MAML2: variants seen among roughly 807,000 people sequenced by gnomAD.
The protein encoded by MAML2 is mastermind like transcriptional coactivator 2, also known as mastermind-like protein 2.
MAML2 carries 22 observed loss-of-function variants against 96.1 expected under a neutral mutation model. The ratio of observed to expected loss-of-function variants is 0.23; its 90% confidence interval spans 0.16 to 0.33. MAML2 has a LOEUF of 0.33. Among genes scored for constraint, MAML2 ranks in the 10% least tolerant of loss-of-function variants. The pLI is 1.00. For missense variants in MAML2, 1,367 were observed against 1,392.4 expected (o/e 0.98, Z 0.29); for synonymous variants, 561 against 521.3 (o/e 1.08, Z -1.04).
intron 1 of MAML2, among the ~76,000 whole-genome samples, chr11:96,180,336 C>G (rs1270408594): frequency 6.6e-6 from 1 of 152,166 alleles, no homozygotes; most frequent in Non-Finnish European, 1.5e-5. Context: ...CTCTGACCAA[C>G]AAAATAGAGT....
In MAML2 at chr11:96,111,555, G is replaced by A. The variant is rs1860123953; in HGVS notation, c.514-18038C>T. Among the ~76,000 whole-genome samples, 3 of 152,170 alleles carry A rather than the reference G, an allele frequency of 2.0e-5. No individual in the cohort carries two copies. The South Asian group carries it at 6.2e-4, about 32-fold the overall frequency. On this transcript the variant is annotated intron_variant, in intron 1 of 4. Coordinates refer to ENST00000524717, the MANE Select transcript of MAML2 (RefSeq NM_032427.4). ...GAGCTGAAAAAGCTGACATCAAGTT[G>A]CTAAGACCACAGCTCTGAAAAGGAA...
chr11:96,156,543 A>G (rs1229805006), intron 1 of MAML2, among the ~76,000 whole-genome samples: 2 of 152,180 alleles, frequency 1.3e-5, no homozygotes, highest in African/African-American at 4.8e-5. Flanking sequence ...TCAGTTCCCC[A>G]GTGACCACTC....
At chr11:96,334,357 A>T (rs1421272674) in intron 1 of MAML2, among the ~76,000 whole-genome samples, 1 of 152,230 alleles carries the variant, frequency 6.6e-6, no homozygotes, top group Non-Finnish European at 1.5e-5. Flanking sequence ...TGCTAAATTT[A>T]ATCAACAGCT....
At chr11:96,248,411 G>A (rs982434116) in intron 1 of MAML2, among the ~76,000 whole-genome samples, 16 of 152,090 alleles carry the variant, frequency 1.1e-4, no homozygotes, top group Middle Eastern at 3.4e-3. Context: ...CATGCCTGGC[G>A]TGTTTTACTT....
At chr11:96,139,751 G>A (rs1315637409) in intron 1 of MAML2, among the ~76,000 whole-genome samples, 1 of 152,000 alleles carries the variant, frequency 6.6e-6, no homozygotes, top group Admixed American at 6.6e-5. Flanking sequence ...CATAAAGACA[G>A]TGCAGAAGCT....
chr11:96,300,994 G>C (rs1032518420), intron 1 of MAML2, among the ~76,000 whole-genome samples: 2 of 152,178 alleles, frequency 1.3e-5, no homozygotes, highest in Non-Finnish European at 2.9e-5. Context: ...AGGATGAAAT[G>C]TAAAATGCTA....
intron 4 of MAML2, among the ~76,000 whole-genome samples, chr11:95,982,955 C>T (rs1272842216): frequency 6.6e-6 from 1 of 152,148 alleles, no homozygotes; most frequent in Non-Finnish European, 1.5e-5. Flanking sequence ...ACATATGTAA[C>T]ATTTTTTATC....
In MAML2 at chr11:96,279,258, G is replaced by T. The variant is rs73531111; in HGVS notation, c.513+62125C>A. ...TCTTAAAACCCTGGGCTTATGGGAC[G>T]TTACCACGGAGACTGCACAGAGTGA... On this transcript the variant is annotated intron_variant, in intron 1 of 4. Coordinates refer to ENST00000524717, the MANE Select transcript of MAML2 (RefSeq NM_032427.4). Among the ~76,000 whole-genome samples, 968 of 152,294 alleles carry T rather than the reference G, an allele frequency of 6.4e-3. 11 individuals are homozygous for T. Among genetic ancestry groups the T allele is most frequent in the African/African-American group, 0.022 (917 of 41,572 alleles).
intron 1 of MAML2, among the ~76,000 whole-genome samples, chr11:96,257,688 T>G (rs1002119848): frequency 7.3e-6 from 1 of 136,644 alleles, no homozygotes; most frequent in Non-Finnish European, 1.6e-5. Context: ...AAGGACAACT[T>G]AAAACTTGGA....
In MAML2 at chr11:96,163,806, G is replaced by A. The variant is rs541833510; in HGVS notation, c.514-70289C>T. On this transcript the variant is annotated intron_variant, in intron 1 of 4. Transcript: ENST00000524717. ...ATTTTCATTGCCAGAGCAGGCAGAAGCCCATTAAAGGATATTCTATCTTCT... is the reference window on the plus strand; with the variant it reads ...ATTTTCATTGCCAGAGCAGGCAGAAACCCATTAAAGGATATTCTATCTTCT... Among the ~76,000 whole-genome samples, 9 of 151,878 alleles carry A rather than the reference G, an allele frequency of 5.9e-5. No individual in the cohort carries two copies. In the East Asian group the frequency reaches 1.5e-3, roughly 26 times the overall value.
rs112345875 is a variant in MAML2 at position 96,276,049 on chromosome 11, C to T, written c.513+65334G>A. On this transcript the variant is annotated intron_variant, in intron 1 of 4. Transcript: ENST00000524717. Reference sequence around the variant, plus strand: ...AAGATAGCAGGGAAATCAGTTTTCCCTCACATGCTTGTGCCTGAGGGGATT... The same window carrying T: ...AAGATAGCAGGGAAATCAGTTTTCCTTCACATGCTTGTGCCTGAGGGGATT... 7.6e-4 allele frequency among the ~76,000 whole-genome samples: 116 copies of T among 152,254 alleles called. 1 individual carries two copies. The highest frequency in any genetic ancestry group is 2.7e-3 in the African/African-American group (114 of 41,558).
intron 2 of MAML2, among the ~76,000 whole-genome samples, chr11:96,051,187 T>C (rs1041547148): frequency 1.4e-4 from 21 of 152,318 alleles, no homozygotes; most frequent in African/African-American, 4.8e-4. Context: ...CATCCATCCG[T>C]CCAATATTTA....
At chr11:96,303,836 G>A (rs545456714) in intron 1 of MAML2, among the ~76,000 whole-genome samples, 2 of 152,242 alleles carry the variant, frequency 1.3e-5, no homozygotes, top group African/African-American at 4.8e-5. Flanking sequence ...CTCACCCAAG[G>A]CTGCCAGAGC....
chr11:96,047,938 A>AAG (rs1397129744), intron 2 of MAML2, among the ~76,000 whole-genome samples: 2 of 151,172 alleles, frequency 1.3e-5, no homozygotes, highest in Non-Finnish European at 2.9e-5. Context: ...AAAAAAAGAA[A>AAG]AAAGAGAGAG....
At chr11:96,151,992 G>A (rs1487081290) in intron 1 of MAML2, among the ~76,000 whole-genome samples, 1 of 152,184 alleles carries the variant, frequency 6.6e-6, no homozygotes, top group Non-Finnish European at 1.5e-5. Flanking sequence ...CAAGGCAAGA[G>A]GGCTGCTTGC....
intron 1 of MAML2, among the ~76,000 whole-genome samples, chr11:96,266,585 A>G (rs373805779): frequency 6.6e-6 from 1 of 152,062 alleles, no homozygotes; most frequent in East Asian, 1.9e-4. Context: ...AAAAAAAAAG[A>G]AAAACAACAT....
At chr11:96,120,650 G>A (rs1423061375) in intron 1 of MAML2, among the ~76,000 whole-genome samples, 3 of 152,208 alleles carry the variant, frequency 2.0e-5, no homozygotes, top group Non-Finnish European at 4.4e-5. Context: ...CATCTGTGGA[G>A]GGCTGTGGAG....
intron 2 of MAML2, among the ~76,000 whole-genome samples, chr11:96,066,220 G>A (rs1859243510): frequency 6.6e-6 from 1 of 152,196 alleles, no homozygotes; most frequent in Non-Finnish European, 1.5e-5. Context: ...CTAAGCATCA[G>A]TGCTGAAGGG....
chr11:96,327,988 CG>C, intron 1 of MAML2, among the ~76,000 whole-genome samples: 1 of 152,024 alleles, frequency 6.6e-6, no homozygotes, highest in South Asian at 2.1e-4. Context: ...CCCAGCTACT[CG>C]GGAGGCTAAG....
Sources: gnomAD v4.1 joint callset for allele counts (sites outside exome capture counted in the v4.1 genomes callset) on GRCh38, gnomAD v4.1.1 for gene constraint, MANE v1.5 for transcripts, NCBI Gene and HGNC (gene_info 2026-07-23, HGNC 2026-07-21) for gene names.